PCDHA3: variants seen among roughly 807,000 people sequenced by gnomAD.
PCDHA3 encodes protocadherin alpha 3.
A neutral mutation model predicts 62.2 loss-of-function variants in PCDHA3; 41 were observed. The observed-to-expected ratio is 0.66, with a 90% CI of 0.51 to 0.86. The LOEUF is 0.86. Among genes scored for constraint, PCDHA3 ranks in the 40% least tolerant of loss-of-function variants. The probability of loss-of-function intolerance (pLI) is 0.00; values close to 1 mark genes in which losing one functional copy is unlikely to be tolerated. For missense variants in PCDHA3, 1,304 were observed against 1,241.2 expected, an observed-to-expected ratio of 1.05 and a Z score of -0.76; for synonymous variants, 640 against 555.4, an observed-to-expected ratio of 1.15 and a Z score of -2.14.
chr5:140,834,541 G>A, intron 1 of PCDHA3: 2 of 1,614,080 alleles, frequency 1.2e-6, no homozygotes, highest in African/African-American at 1.3e-5. Flanking sequence ...CAGGACCTGG[G>A]GCTGGAGCTG....
chr5:140,938,406 T>A (rs1283027205), intron 1 of PCDHA3, among the ~76,000 whole-genome samples: 1 of 152,240 alleles, frequency 6.6e-6, no homozygotes, highest in African/African-American at 2.4e-5. Context: ...ATTGTTTGAT[T>A]GGGTTTATTT....
At chr5:140,915,258 A>T (rs2077046977) in intron 1 of PCDHA3, among the ~76,000 whole-genome samples, 1 of 151,928 alleles carries the variant, frequency 6.6e-6, no homozygotes, top group South Asian at 2.1e-4. Context: ...GGTTGTTATT[A>T]TTTTTGACCA....
intron 1 of PCDHA3, chr5:140,824,468 T>C (rs1768131151): frequency 4.9e-6 from 2 of 410,264 alleles, no homozygotes; most frequent in Admixed American, 8.5e-5. Flanking sequence ...TATTTTATTT[T>C]ATTGTTATTT....
chr5:140,883,594 G>C (rs1562791129), intron 1 of PCDHA3: 5 of 1,614,032 alleles, frequency 3.1e-6, no homozygotes, highest in South Asian at 1.1e-5. Context: ...CCAGCGTGTC[G>C]GTGGGGGTGG....
At position 140,957,203 on chromosome 5, in the gene PCDHA3, A is replaced by T. The variant is rs921844658; in HGVS notation, c.2395-21746A>T. 3.3e-5 allele frequency among the ~76,000 whole-genome samples: 5 copies of T among 152,184 alleles called. 1 individual carries two copies. In the South Asian group the frequency reaches 6.2e-4, roughly 19 times the overall value. ...TATTGATGACCGATTGGGAATATAAATAGGCACAAAAATTTGGCGAAGCAT... is the reference window on the plus strand; with the variant it reads ...TATTGATGACCGATTGGGAATATAATTAGGCACAAAAATTTGGCGAAGCAT... On this transcript the variant is annotated intron_variant, in intron 1 of 3. Transcript: ENST00000522353.
intron 1 of PCDHA3, chr5:140,926,536 G>T (rs1420585785): frequency 4.6e-6 from 1 of 217,790 alleles, no homozygotes. Flanking sequence ...CGCAGCCAGC[G>T]TGGTGGTCGA....
intron 1 of PCDHA3, chr5:140,829,952 C>T: frequency 3.1e-6 from 5 of 1,614,008 alleles, no homozygotes; most frequent in African/African-American, 1.3e-5. Flanking sequence ...CGCTCGCTTC[C>T]CGTTTCGCGT....
intron 1 of PCDHA3, among the ~76,000 whole-genome samples, chr5:140,880,522 T>C (rs2058372712): frequency 6.6e-6 from 1 of 152,232 alleles, no homozygotes; most frequent in South Asian, 2.1e-4. Flanking sequence ...CATCTCTCAA[T>C]GTGTGAATCA....
chr5:140,983,444 TC>T (rs1554245415), intron 3 of PCDHA3, among the ~76,000 whole-genome samples: 1 of 152,224 alleles, frequency 6.6e-6, no homozygotes. Context: ...TCTACTCTAA[TC>T]CTCTATTAAT....
chr5:140,856,364 G>A (rs782661319), intron 1 of PCDHA3: 1 of 1,598,600 alleles, frequency 6.3e-7, no homozygotes, highest in Non-Finnish European at 8.6e-7. Context: ...CATCCACCTG[G>A]AGGTGATCGT....
intron 1 of PCDHA3, chr5:140,852,540 T>C (rs2042365711): frequency 9.3e-6 from 5 of 536,720 alleles, no homozygotes; most frequent in Non-Finnish European, 1.2e-5. Flanking sequence ...CCTCCCAAAG[T>C]GCTGGGATTA....
At chr5:140,870,919 C>G in intron 1 of PCDHA3, 1 of 1,613,952 alleles carries the variant, frequency 6.2e-7, no homozygotes, top group South Asian at 1.1e-5. Context: ...CAACGCGTGG[C>G]TTTCATATGA....
chr5:140,851,545 G>A, intron 1 of PCDHA3: 1 of 908,276 alleles, frequency 1.1e-6, no homozygotes, highest in East Asian at 1.2e-4. Context: ...GATAATTCAA[G>A]AAATGTTGAC....
intron 1 of PCDHA3, among the ~76,000 whole-genome samples, chr5:140,964,060 G>A (rs1187796756): frequency 6.6e-6 from 1 of 152,200 alleles, no homozygotes; most frequent in Non-Finnish European, 1.5e-5. Context: ...GTGTGGTCAA[G>A]GCATTAGTGT....
At chr5:140,875,264 C>T (rs1017689371) in intron 1 of PCDHA3, 10 of 1,189,206 alleles carry the variant, frequency 8.4e-6, no homozygotes, top group Non-Finnish European at 1.0e-5. Flanking sequence ...TGATGTCGCT[C>T]TACACTCAGA....
intron 1 of PCDHA3, among the ~76,000 whole-genome samples, chr5:140,832,503 T>C (rs2150202042): frequency 6.6e-6 from 1 of 152,324 alleles, no homozygotes; most frequent in East Asian, 1.9e-4. Flanking sequence ...AGTGGCAGAA[T>C]TGTCTCTGAT....
rs151299460 is a variant in PCDHA3, at chr5:140,849,914, C to T, written c.2394+46323C>T. On this transcript the variant is annotated intron_variant, in intron 1 of 3. Coordinates refer to ENST00000522353, the MANE Select transcript of PCDHA3 (RefSeq NM_018906.3). ...AGGAGAACAACCCGCCGGGCTGCCA[C>T]ATCTTCACGGTGTCTGCGCGGGACG... is the stretch of plus-strand genomic sequence containing the variant. 4.8e-4 allele frequency: 771 copies of T among 1,598,354 alleles called. 44 individuals are homozygous for T. The African/African-American group carries it at 9.1e-3, about 19-fold the overall frequency.
intron 1 of PCDHA3, chr5:140,968,491 T>C: frequency 6.2e-7 from 1 of 1,614,130 alleles, no homozygotes; most frequent in Non-Finnish European, 8.5e-7. Flanking sequence ...TGAATGACCA[T>C]GCCCCTCACA....
intron 1 of PCDHA3, among the ~76,000 whole-genome samples, chr5:140,832,430 A>G (rs1250957305): frequency 6.6e-6 from 1 of 152,222 alleles, no homozygotes; most frequent in Non-Finnish European, 1.5e-5. Context: ...AGTACATGAT[A>G]ATTTTTAAGC....
Sources: allele counts gnomAD v4.1 joint callset (sites outside exome capture counted in the v4.1 genomes callset), GRCh38; gene constraint gnomAD v4.1.1; transcripts MANE v1.5; gene names NCBI Gene and HGNC (gene_info 2026-07-23, HGNC 2026-07-21).